The following ANLN variants were observed in gnomAD, a reference collection of about 807,000 sequenced individuals.
The protein encoded by ANLN is anillin, actin binding protein.
ANLN carries 59 observed loss-of-function variants against 135.1 expected under a neutral mutation model. That is an observed-to-expected ratio of 0.44 (90% confidence interval 0.35 to 0.54). ANLN has a LOEUF of 0.54. ANLN is among the 20% of genes least tolerant of loss of function. The probability of loss-of-function intolerance (pLI) is 0.00; values close to 1 mark genes in which losing one functional copy is unlikely to be tolerated. For synonymous variants in ANLN, 406 were observed against 456.4 expected (o/e 0.89, Z 1.41); for missense variants, 1,182 against 1,340.0 (o/e 0.88, Z 1.84).
At position 36,417,412 on chromosome 7, in the gene ANLN, A is replaced by G. The variant is rs78520972; in HGVS notation, c.1633+222A>G. On this transcript the variant is annotated intron_variant, in intron 9 of 23. Coordinates refer to ENST00000265748, the MANE Select transcript of ANLN (RefSeq NM_018685.5). ...CTCACTGACTTTGACAGGGATAGGA[A>G]AGTTGCTGCCCTCCCACGCTCTGTA... Among the ~76,000 whole-genome samples the G allele has an allele frequency of 0.02, 3,028 of 152,228 alleles. 49 individuals are homozygous for G. The highest frequency in any genetic ancestry group is 0.054 in the Middle Eastern group (16 of 294).
chr7:36,446,827 A>G lies in ANLN; in HGVS notation c.3079-2838A>G, dbSNP rs574195238. ...TTCTCATGTGTATCAAGATGTCATT[A>G]TATGTGTAGGTTTATTTTTAGGCTC... On this transcript the variant is annotated intron_variant, in intron 22 of 23. Coordinates refer to ENST00000265748, the MANE Select transcript of ANLN (RefSeq NM_018685.5). Among the ~76,000 whole-genome samples the G allele has an allele frequency of 5.9e-5, 9 of 152,284 alleles. No individual in the cohort carries two copies. In the East Asian group the frequency reaches 1.7e-3, roughly 29 times the overall value.
In ANLN at chr7:36,449,796, G is replaced by T; in HGVS notation, c.3210G>T (p.Glu1070Asp). The stretch of plus-strand genomic sequence containing the variant: ...GACCACAAAGAGAAGATGACCGAGA[G>T]ACTCTTGTCAGCCAATGCAGGGACA... ...TVRPQREDDR[E>D]TLVSQCRDTL... The change falls in exon 23 of 24, where the codon GAG becomes GAT. Residue 1070 changes from glutamate to aspartate, a missense_variant. This residue lies in a region of ANLN where 78 missense variants were observed against 72.7 expected (regional missense o/e 1.07). Transcript: ENST00000265748. The T allele has an allele frequency of 6.2e-7, 1 of 1,613,986 alleles. No individual in the cohort carries two copies. Among genetic ancestry groups the T allele is most frequent in the Non-Finnish European group, 8.5e-7 (1 of 1,179,916 alleles).
intron 20 of ANLN, among the ~76,000 whole-genome samples, chr7:36,429,113 T>C (rs1309574585): frequency 3.9e-5 from 6 of 152,120 alleles, no homozygotes; most frequent in African/African-American, 1.4e-4. Flanking sequence ...AATTGGCTAA[T>C]AGGTATATTG....
chr7:36,399,545 CAGT>C lies in ANLN; in HGVS notation c.487+157_487+159del, dbSNP rs533521243. ...CTTTGCTTGCATATGGTTTGTCTAC[CAGT>C]AGTATAAGTTGGTTATGTTTAGACT... On this transcript the variant is annotated intron_variant, in intron 3 of 23. Coordinates refer to ENST00000265748, the MANE Select transcript of ANLN (RefSeq NM_018685.5). 3,932 of 739,426 alleles carry C rather than the reference CAGT, an allele frequency of 5.3e-3. 23 individuals carry two copies. The highest frequency in any genetic ancestry group is 6.5e-3 in the Non-Finnish European group (3,102 of 478,242). 45.8% of individuals were successfully genotyped at this position (739,426 alleles called of 1,614,324 possible).
intron 3 of ANLN, 43 bp from the exon 4 acceptor site, chr7:36,406,138 C>T (rs1295199618): frequency 3.7e-5 from 57 of 1,541,738 alleles, no homozygotes; most frequent in Non-Finnish European, 3.9e-5. Context: ...GTAAGCATTA[C>T]TCTTAAACAT....
In ANLN at chr7:36,389,892, A is replaced by G; in HGVS notation, c.-135A>G. The G allele has an allele frequency of 1.3e-6, 2 of 1,508,266 alleles. No individual in the cohort carries two copies. The highest frequency in any genetic ancestry group is 2.3e-5 in the East Asian group (1 of 44,048). The allele number at this position is 1,508,266 out of a possible 1,614,324, so 93.4% of individuals were successfully genotyped here. Reference sequence around the variant, plus strand: ...CGTCACTGGAAGCCGAGAGGAGAGGACAGCTGGTTGTGGGAGAGTTCCCCC... The same window carrying G: ...CGTCACTGGAAGCCGAGAGGAGAGGGCAGCTGGTTGTGGGAGAGTTCCCCC... On this transcript the variant is annotated 5_prime_UTR_variant, in exon 1 of 24. Coordinates refer to ENST00000265748, the MANE Select transcript of ANLN (RefSeq NM_018685.5).
chr7:36,445,762 A>G (rs1006124751), intron 22 of ANLN, among the ~76,000 whole-genome samples: 1 of 152,212 alleles, frequency 6.6e-6, no homozygotes, highest in African/African-American at 2.4e-5. Flanking sequence ...GCTGGGTTGT[A>G]GGGTTTGCAC....
At chr7:36,415,415 ATTTTAT>A (rs1787598407) in intron 7 of ANLN, among the ~76,000 whole-genome samples, 1 of 151,476 alleles carries the variant, frequency 6.6e-6, no homozygotes, top group African/African-American at 2.4e-5. Context: ...ATTTTATTTT[ATTTTAT>A]TTTATTTTAT....
intron 1 of ANLN, 42 bp from the exon 2 acceptor site, chr7:36,396,224 G>A: frequency 6.6e-7 from 1 of 1,511,692 alleles, no homozygotes; most frequent in South Asian, 1.3e-5. Context: ...ATGAACCTTT[G>A]ATTAAACTTG....
chr7:36,450,231 A>G (rs995017595), intron 23 of ANLN, among the ~76,000 whole-genome samples: 1 of 152,204 alleles, frequency 6.6e-6, no homozygotes, highest in African/African-American at 2.4e-5. Flanking sequence ...CACAGAAACA[A>G]TCTCATTCTA....
At chr7:36,421,418 A>G (rs538613965) in intron 12 of ANLN, among the ~76,000 whole-genome samples, 14 of 152,074 alleles carry the variant, frequency 9.2e-5, no homozygotes, top group East Asian at 5.8e-4. Flanking sequence ...GAGTCTCACT[A>G]TGTTTTCTAG....
chr7:36,401,487 T>C (rs1434002566), intron 3 of ANLN, among the ~76,000 whole-genome samples: 7 of 152,146 alleles, frequency 4.6e-5, no homozygotes, highest in African/African-American at 9.7e-5. Flanking sequence ...TACAGGCACA[T>C]GCCATCACAC....
At chr7:36,444,128 A>G (rs1788891349) in intron 22 of ANLN, among the ~76,000 whole-genome samples, 1 of 152,156 alleles carries the variant, frequency 6.6e-6, no homozygotes, top group Admixed American at 6.5e-5. Context: ...TGTCTCTGCT[A>G]AAAATACAAA....
At chr7:36,429,895 A>G (rs74988687) in intron 20 of ANLN, among the ~76,000 whole-genome samples, 16,190 of 152,250 alleles carry the variant, frequency 0.11, 999 homozygotes, top group East Asian at 0.22. Flanking sequence ...TTATAACTTA[A>G]ATAGCCAACC....
At chr7:36,397,913 A>G (rs1180998664) in intron 2 of ANLN, among the ~76,000 whole-genome samples, 1 of 152,162 alleles carries the variant, frequency 6.6e-6, no homozygotes, top group African/African-American at 2.4e-5. Context: ...CCTATCTCAA[A>G]AAAAGAAAAA....
At chr7:36,422,027 T>C in intron 13 of ANLN, 35 bp downstream of exon 13, 1 of 1,590,630 alleles carries the variant, frequency 6.3e-7, no homozygotes. Flanking sequence ...TTCCAACAAA[T>C]TTCTAACCAG....
intron 22 of ANLN, chr7:36,448,983 C>T (rs1789128854): frequency 6.6e-6 from 1 of 152,190 alleles, no homozygotes; most frequent in African/African-American, 2.4e-5. Flanking sequence ...CACTCCCTAA[C>T]CAATCAACAG....
intron 1 of ANLN, among the ~76,000 whole-genome samples, chr7:36,392,895 C>G (rs766160991): frequency 4.6e-5 from 7 of 151,896 alleles, no homozygotes; most frequent in Non-Finnish European, 7.4e-5. Flanking sequence ...TTCTAACTGA[C>G]CAGAATGGAA....
intron 5 of ANLN, among the ~76,000 whole-genome samples, chr7:36,408,734 T>G (rs1209856068): frequency 1.3e-5 from 2 of 152,196 alleles, no homozygotes; most frequent in Non-Finnish European, 2.9e-5. Flanking sequence ...CCCAGTTATA[T>G]TTATCTGTGT....
Sources: gnomAD v4.1 joint callset for allele counts (sites outside exome capture counted in the v4.1 genomes callset) on GRCh38, gnomAD v4.1.1 for gene constraint, gnomAD v4.1.1 regional missense constraint, MANE v1.5 for transcripts, NCBI Gene and HGNC (gene_info 2026-07-23, HGNC 2026-07-21) for gene names.